Variants in WFDC11 observed in about 807,000 individuals in gnomAD.
The protein encoded by WFDC11 is protein WFDC11.
Under a neutral mutation model 9.9 loss-of-function variants are expected in WFDC11, and 9 were observed. That is an observed-to-expected ratio of 0.91 (90% CI 0.55 to 1.58). WFDC11 has a LOEUF of 1.58. Among genes scored for constraint, WFDC11 ranks in the 40% most tolerant of loss-of-function variants. The pLI, the probability that WFDC11 is intolerant of heterozygous loss-of-function variation, is 0.00. For synonymous variants in WFDC11, 32 were observed against 33.3 expected (o/e 0.96, Z 0.13); for missense variants, 106 against 101.7 (o/e 1.04, Z -0.18).
intron 2 of WFDC11, among the ~76,000 whole-genome samples, chr20:45,653,440 A>T (rs968803482): frequency 6.6e-6 from 1 of 152,182 alleles, no homozygotes; most frequent in South Asian, 2.1e-4. Context: ...AGCACTAAAC[A>T]TGGAAAGGAA....
Position 45,649,357 on chromosome 20 carries a change from A to G in WFDC11, c.143T>C (p.Val48Ala), listed in dbSNP as rs1982752653. The G allele has an allele frequency of 6.2e-7, 1 of 1,614,008 alleles. No homozygotes were observed. The highest frequency in any genetic ancestry group is 8.5e-7 in the Non-Finnish European group (1 of 1,180,028). Reference sequence around the variant, plus strand: ...AGAACACTTATTGGTACATTCTTTGACATTTGGCTTTCCCCAGCATTCTTC... The same window carrying G: ...AGAACACTTATTGGTACATTCTTTGGCATTTGGCTTTCCCCAGCATTCTTC... ...LLEECWGKPNVKECTNKCSKA... is the reference protein window; with the variant it reads ...LLEECWGKPNAKECTNKCSKA... Residue 48 changes from valine (V) to alanine (A), a missense_variant, in exon 4 of 5, where the codon GTC becomes GCC. Transcript: ENST00000324384.
intron 2 of WFDC11, among the ~76,000 whole-genome samples, chr20:45,661,690 C>T (rs1004447418): frequency 6.6e-6 from 1 of 152,114 alleles, no homozygotes; most frequent in Admixed American, 6.6e-5. Context: ...TTCCCCATTG[C>T]TTGTTTTTCT....
intron 2 of WFDC11, among the ~76,000 whole-genome samples, chr20:45,660,177 T>A (rs6065854): frequency 6.6e-6 from 1 of 152,172 alleles, no homozygotes; most frequent in Non-Finnish European, 1.5e-5. Context: ...CTGTTAGCAC[T>A]GCCTTTGCTT....
intron 3 of WFDC11, among the ~76,000 whole-genome samples, chr20:45,649,968 G>C (rs1302698728): frequency 6.6e-6 from 1 of 151,888 alleles, no homozygotes; most frequent in Non-Finnish European, 1.5e-5. Context: ...GACCCCCAAG[G>C]TTGCCCCACT....
chr20:45,649,202 G>A lies in WFDC11; in HGVS notation c.243+55C>T, dbSNP rs371021714. On this transcript the variant is annotated intron_variant, in intron 4 of 4. Coordinates refer to ENST00000324384, the MANE Select transcript of WFDC11 (RefSeq NM_147197.2). ...TCTGTTTAGGAATAACAGCCTCCGAGAAGGGAATGAGAATCAGTGAAGATA... is the reference window on the plus strand; with the variant it reads ...TCTGTTTAGGAATAACAGCCTCCGAAAAGGGAATGAGAATCAGTGAAGATA... 11 of 1,597,678 alleles carry A rather than the reference G, an allele frequency of 6.9e-6. No individual in the cohort carries two copies. The African/African-American group carries it at 1.2e-4, about 18-fold the overall frequency.
At chr20:45,656,371 C>T (rs532747798) in intron 2 of WFDC11, among the ~76,000 whole-genome samples, 46 of 152,158 alleles carry the variant, frequency 3.0e-4, no homozygotes, top group Non-Finnish European at 4.4e-4. Flanking sequence ...GCTGGGAAAA[C>T]TGGCTAGCCA....
chr20:45,649,455 A>G, intron 3 of WFDC11, 56 bp from the exon 4 acceptor site: 1 of 1,590,596 alleles, frequency 6.3e-7, no homozygotes, highest in Non-Finnish European at 8.5e-7. Flanking sequence ...CAAGAGCGGA[A>G]AGAAAGGCCT....
chr20:45,649,231 A>G, intron 4 of WFDC11, 26 bp downstream of exon 4: 9 of 1,613,332 alleles, frequency 5.6e-6, no homozygotes, highest in Non-Finnish European at 6.8e-6. Context: ...GAAGATATAC[A>G]CCCAAGCAAA....
At chr20:45,669,740 C>T (rs1330601639) in intron 1 of WFDC11, among the ~76,000 whole-genome samples, 2 of 152,046 alleles carry the variant, frequency 1.3e-5, no homozygotes, top group African/African-American at 4.8e-5. Context: ...CTCCAATTAA[C>T]CTAACATCAC....
At chr20:45,649,526 T>C (rs1600934737) in intron 3 of WFDC11, 127 bp from the exon 4 acceptor site, 8 of 1,230,668 alleles carry the variant, frequency 6.5e-6, no homozygotes, top group Admixed American at 4.5e-5. Context: ...AGATATCTAT[T>C]TGCCTTTTAA....
At chr20:45,656,760 A>C (rs1012661968) in intron 2 of WFDC11, among the ~76,000 whole-genome samples, 1 of 152,158 alleles carries the variant, frequency 6.6e-6, no homozygotes, top group Non-Finnish European at 1.5e-5. Context: ...AACCCATCAA[A>C]GAGTGGGCAA....
Position 45,657,711 on chromosome 20 carries a change from C to T in WFDC11, c.-51-7060G>A, listed in dbSNP as rs2052517181. On this transcript the variant is annotated intron_variant, in intron 2 of 4. Coordinates refer to ENST00000324384, the MANE Select transcript of WFDC11 (RefSeq NM_147197.2). ...AGAATTGTTCCCCCTTCCATCCATG[C>T]TTAATTTTTCTCTTTAATGTTTTTT... Among the ~76,000 whole-genome samples the T allele has an allele frequency of 2.0e-5, 3 of 152,266 alleles. No homozygotes were observed. In the South Asian group the frequency reaches 6.2e-4, roughly 32 times the overall value.
rs1194424414 is a variant in WFDC11 at position 45,648,629 on chromosome 20, G to A, written c.*90C>T. On this transcript the variant is annotated 3_prime_UTR_variant, in exon 5 of 5. Transcript: ENST00000324384. ...CAGCTCTCAGTAAAAATAGACTGGT[G>A]TTCCTAAAAGTAGCCACAGGGTACT... The A allele has an allele frequency of 3.7e-6, 5 of 1,366,836 alleles. No individual in the cohort carries two copies. Among genetic ancestry groups the A allele is most frequent in the South Asian group, 3.6e-5 (3 of 82,718 alleles). 84.7% of individuals were successfully genotyped at this position (1,366,836 alleles called of 1,614,324 possible).
intron 2 of WFDC11, among the ~76,000 whole-genome samples, chr20:45,655,100 G>T (rs1982896467): frequency 6.6e-6 from 1 of 152,170 alleles, no homozygotes; most frequent in Admixed American, 6.5e-5. Flanking sequence ...GCATCATCCT[G>T]ATACCAAAGG....
In WFDC11 at chr20:45,648,710, G is replaced by C. The variant is rs1982734429; in HGVS notation, c.*9C>G. The stretch of plus-strand genomic sequence containing the variant: ...CACACAGGTGGCAGCCTGGTGGGAA[G>C]CTACGGTTTTAGTAATCTCCACTGG... On this transcript the variant is annotated 3_prime_UTR_variant, in exon 5 of 5. Transcript: ENST00000324384. 5 of 1,614,172 alleles carry C rather than the reference G, an allele frequency of 3.1e-6. No homozygotes were observed. Among genetic ancestry groups the C allele is most frequent in the Non-Finnish European group, 2.5e-6 (3 of 1,180,004 alleles).
intron 2 of WFDC11, among the ~76,000 whole-genome samples, chr20:45,657,765 A>G (rs1020644912): frequency 2.6e-5 from 4 of 152,176 alleles, no homozygotes; most frequent in Non-Finnish European, 5.9e-5. Flanking sequence ...AATACATTAC[A>G]TGAGCTATTC....
rs767968942 is a variant in WFDC11, at chr20:45,648,716, G to T, written c.*3C>A. 6.8e-6 allele frequency: 11 copies of T among 1,614,158 alleles called. No individual in the cohort carries two copies. In the Admixed American group the frequency reaches 1.8e-4, roughly 27 times the overall value. On this transcript the variant is annotated 3_prime_UTR_variant, in exon 5 of 5. Coordinates refer to ENST00000324384, the MANE Select transcript of WFDC11 (RefSeq NM_147197.2). ...GGTGGCAGCCTGGTGGGAAGCTACG[G>T]TTTTAGTAATCTCCACTGGTTTCCT...
intron 3 of WFDC11, among the ~76,000 whole-genome samples, chr20:45,650,124 T>C (rs1405688998): frequency 1.3e-5 from 2 of 152,032 alleles, no homozygotes; most frequent in Admixed American, 1.3e-4. Flanking sequence ...AGTATAGAGC[T>C]ACAGGATTAG....
At chr20:45,654,596 G>GAA (rs1982880991) in intron 2 of WFDC11, among the ~76,000 whole-genome samples, 1 of 151,986 alleles carries the variant, frequency 6.6e-6, no homozygotes, top group Non-Finnish European at 1.5e-5. Flanking sequence ...AGGAACTGAA[G>GAA]GAAATAGAGA....
Sources: gnomAD v4.1 joint callset for allele counts (sites outside exome capture counted in the v4.1 genomes callset) on GRCh38, gnomAD v4.1.1 for gene constraint, MANE v1.5 for transcripts, NCBI Gene and HGNC (gene_info 2026-07-23, HGNC 2026-07-21) for gene names.